PELI2: variants seen among roughly 807,000 people sequenced by gnomAD.
PELI2 encodes E3 ubiquitin-protein ligase pellino homolog 2.
PELI2 carries 23 observed loss-of-function variants against 42.3 expected under a neutral mutation model. That is an observed-to-expected ratio of 0.54 (90% CI 0.39 to 0.77). The LOEUF (loss-of-function observed/expected upper bound fraction) is 0.77, where lower values mean the gene tolerates loss of function less well. Ranked by LOEUF, PELI2 falls within the 30% of genes least tolerant of loss-of-function variation. PELI2 has a pLI of 0.00. For missense variants in PELI2, 463 were observed against 553.2 expected (o/e 0.84, Z 1.64); for synonymous variants, 245 against 212.2 (o/e 1.15, Z -1.34).
intron 2 of PELI2, among the ~76,000 whole-genome samples, chr14:56,181,197 G>T (rs1325095860): frequency 6.6e-6 from 1 of 151,980 alleles, no homozygotes; most frequent in East Asian, 1.9e-4. Context: ...CAACCCATTA[G>T]CCTGTCTCTG....
At chr14:56,278,297 G>C (rs1419286820) in intron 2 of PELI2, among the ~76,000 whole-genome samples, 1 of 151,976 alleles carries the variant, frequency 6.6e-6, no homozygotes, top group Non-Finnish European at 1.5e-5. Flanking sequence ...ATATATTCAA[G>C]GTGTACAGCA....
At chr14:56,269,894 G>A (rs2139852370) in intron 2 of PELI2, among the ~76,000 whole-genome samples, 1 of 152,320 alleles carries the variant, frequency 6.6e-6, no homozygotes, top group African/African-American at 2.4e-5. Flanking sequence ...GCAGCCTTTG[G>A]TGTTCATGTT....
chr14:56,285,410 A>G (rs1889612754), intron 3 of PELI2, among the ~76,000 whole-genome samples: 2 of 152,186 alleles, frequency 1.3e-5, no homozygotes, highest in Non-Finnish European at 2.9e-5. Context: ...TGTTTGGCAT[A>G]TATTACATTT....
At chr14:56,171,790 C>CG (rs144557731) in intron 1 of PELI2, among the ~76,000 whole-genome samples, 19,931 of 151,996 alleles carry the variant, frequency 0.13, 1,488 homozygotes, top group Middle Eastern at 0.17. Context: ...CTGAGGTGGG[C>CG]GGATCACTTG....
At chr14:56,253,385 C>G (rs1246533473) in intron 2 of PELI2, among the ~76,000 whole-genome samples, 1 of 152,124 alleles carries the variant, frequency 6.6e-6, no homozygotes, top group Non-Finnish European at 1.5e-5. Flanking sequence ...AAAGCGTATT[C>G]AATTAGGAAA....
At chr14:56,196,578 C>G (rs1350189725) in intron 2 of PELI2, among the ~76,000 whole-genome samples, 1 of 152,202 alleles carries the variant, frequency 6.6e-6, no homozygotes, top group Non-Finnish European at 1.5e-5. Context: ...CTGTCTTGCC[C>G]TCTGCACTGT....
chr14:56,290,308 A>G lies in PELI2; in HGVS notation c.548A>G (p.Asp183Gly). 6.2e-7 allele frequency: 1 copy of G among 1,608,004 alleles called. No individual in the cohort carries two copies. The highest frequency in any genetic ancestry group is 8.5e-7 in the Non-Finnish European group (1 of 1,175,636). ...TGGAAAAACCCCGACGGCCACATGGATGGGCTCACTACTAATGGCGTCCTG... is the reference window on the plus strand; with the variant it reads ...TGGAAAAACCCCGACGGCCACATGGGTGGGCTCACTACTAATGGCGTCCTG... ...AKWKNPDGHM[D>G]GLTTNGVLVM... Residue 183 changes from aspartate to glycine, a missense_variant, in exon 5 of 6, where the codon GAT becomes GGT. By Grantham distance (94) the Asp-to-Gly change is moderately conservative (BLOSUM62 -1). Coordinates refer to ENST00000267460, the MANE Select transcript of PELI2 (RefSeq NM_021255.3).
intron 2 of PELI2, among the ~76,000 whole-genome samples, chr14:56,193,810 C>G (rs1481103438): frequency 6.6e-6 from 1 of 152,192 alleles, no homozygotes; most frequent in Non-Finnish European, 1.5e-5. Flanking sequence ...AAAGGGAAGT[C>G]AGCCTCCTTT....
At chr14:56,144,578 A>G (rs112424819) in intron 1 of PELI2, among the ~76,000 whole-genome samples, 3 of 152,240 alleles carry the variant, frequency 2.0e-5, no homozygotes, top group African/African-American at 7.2e-5. Context: ...ATAACTAGGG[A>G]CAATAGCCTG....
intron 1 of PELI2, among the ~76,000 whole-genome samples, chr14:56,133,360 G>A (rs1883566406): frequency 6.6e-6 from 1 of 152,172 alleles, no homozygotes; most frequent in South Asian, 2.1e-4. Flanking sequence ...ATTGCCATGT[G>A]ATTTCTAAGG....
intron 1 of PELI2, among the ~76,000 whole-genome samples, chr14:56,156,614 C>A (rs188403780): frequency 1.3e-5 from 2 of 152,324 alleles, no homozygotes; most frequent in Admixed American, 1.3e-4. Flanking sequence ...GTGTAACTTT[C>A]TGCAATGTTG....
intron 2 of PELI2, among the ~76,000 whole-genome samples, chr14:56,275,783 C>T (rs1889271745): frequency 6.6e-6 from 1 of 152,064 alleles, no homozygotes. Flanking sequence ...GGGTTGGGGA[C>T]CCCTGGTGTA....
At chr14:56,155,173 T>C (rs936952953) in intron 1 of PELI2, among the ~76,000 whole-genome samples, 2 of 152,118 alleles carry the variant, frequency 1.3e-5, no homozygotes, top group African/African-American at 4.8e-5. Context: ...GTTGGATGTG[T>C]AATTTTATAA....
At chr14:56,207,711 C>T (rs998960579) in intron 2 of PELI2, among the ~76,000 whole-genome samples, 5 of 152,176 alleles carry the variant, frequency 3.3e-5, no homozygotes, top group Non-Finnish European at 7.3e-5. Context: ...TAGGATTCAG[C>T]ACCAGCTAAA....
chr14:56,237,033 G>T (rs1946538630), intron 2 of PELI2, among the ~76,000 whole-genome samples: 1 of 152,158 alleles, frequency 6.6e-6, no homozygotes, highest in African/African-American at 2.4e-5. Flanking sequence ...ACTCTCACAA[G>T]ACTGTGAAAA....
intron 2 of PELI2, among the ~76,000 whole-genome samples, chr14:56,269,271 T>A (rs1019308411): frequency 2.0e-5 from 3 of 151,812 alleles, no homozygotes; most frequent in African/African-American, 4.8e-5. Flanking sequence ...AGAAAACCCA[T>A]CTCTACAAAA....
chr14:56,179,171 G>A (rs1182463396), intron 2 of PELI2, among the ~76,000 whole-genome samples: 2 of 152,046 alleles, frequency 1.3e-5, no homozygotes, highest in East Asian at 1.9e-4. Context: ...ATTTATTACA[G>A]TGTTTCTTTA....
intron 1 of PELI2, among the ~76,000 whole-genome samples, chr14:56,137,091 A>T (rs1883712352): frequency 6.6e-6 from 1 of 152,240 alleles, no homozygotes. Context: ...AGAAACCTGT[A>T]CTGCATAAGA....
chr14:56,178,371 G>A lies in PELI2; in HGVS notation c.114G>A (p.Arg38=), dbSNP rs749805048. Residue 38 remains arginine, a synonymous_variant, in exon 2 of 6, where the codon CGG becomes CGA. Transcript: ENST00000267460. The part of the protein sequence containing the change: ...NGALPNGDRG[R]RKSRFALYKR... ...CTTTACCCAATGGAGATAGAGGACG[G>A]AGGAAAAGTAGATTTGCCCTCTACA... 7.4e-6 allele frequency: 12 copies of A among 1,614,082 alleles called. No homozygotes were observed. In the South Asian group the frequency reaches 9.9e-5, roughly 13 times the overall value.
Sources: gnomAD v4.1 joint callset for allele counts (sites outside exome capture counted in the v4.1 genomes callset) on GRCh38, gnomAD v4.1.1 for gene constraint, MANE v1.5 for transcripts, NCBI Gene and HGNC (gene_info 2026-07-23, HGNC 2026-07-21) for gene names.